ZNF37A: variants seen among roughly 807,000 people sequenced by gnomAD.
ZNF37A encodes zinc finger protein 37A, also known as zinc finger protein 37a (KOX 21).
In ZNF37A, 10 loss-of-function variants were observed where a neutral mutation model predicts 12.3. That is an observed-to-expected ratio of 0.82 (90% CI 0.50 to 1.38). The LOEUF is 1.38. Ranked by LOEUF, ZNF37A falls within the 40% of genes most tolerant of loss-of-function variation. The pLI is 0.00. For synonymous variants in ZNF37A, 207 were observed against 223.0 expected, an observed-to-expected ratio of 0.93 and a Z score of 0.64; for missense variants, 580 against 651.2, an observed-to-expected ratio of 0.89 and a Z score of 1.19.
At chr10:38,126,262 A>G (rs1357333172), downstream of ZNF37A, among the ~76,000 whole-genome samples, 1 of 152,212 alleles carries the variant, frequency 6.6e-6, no homozygotes, top group African/African-American at 2.4e-5. Context: ...CAACTGGACA[A>G]TGAGACCTGT....
At chr10:38,098,335 G>A (rs929637172) in intron 5 of ZNF37A, among the ~76,000 whole-genome samples, 2 of 152,154 alleles carry the variant, frequency 1.3e-5, no homozygotes, top group Admixed American at 6.5e-5. Flanking sequence ...ATATACCTAC[G>A]AGTGAAATTG....
intron 7 of ZNF37A, chr10:38,143,401 A>G (rs772818764): frequency 6.6e-6 from 1 of 152,218 alleles, no homozygotes; most frequent in Non-Finnish European, 1.5e-5. Context: ...CATGCTACAT[A>G]TTGAGATCAT....
At chr10:38,099,244 A>C (rs2067375148) in intron 5 of ZNF37A, among the ~76,000 whole-genome samples, 1 of 152,154 alleles carries the variant, frequency 6.6e-6, no homozygotes, top group Non-Finnish European at 1.5e-5. Flanking sequence ...CATCTTGGAA[A>C]ATTGAAATTC....
intron 7 of ZNF37A, 127 bp downstream of exon 7, chr10:38,115,417 A>C (rs1474513269): frequency 7.2e-7 from 1 of 1,382,166 alleles, no homozygotes; most frequent in East Asian, 2.6e-5. Context: ...TGGAAGTAAC[A>C]TGTTGACGTG....
chr10:38,127,271 A>G (rs1326105142), downstream of ZNF37A, among the ~76,000 whole-genome samples: 1 of 152,208 alleles, frequency 6.6e-6, no homozygotes, highest in Non-Finnish European at 1.5e-5. Context: ...CAAGCCCCAG[A>G]ATCCTTTAAA....
At chr10:38,113,516 G>C (rs961009684) in intron 5 of ZNF37A, among the ~76,000 whole-genome samples, 11 of 152,086 alleles carry the variant, frequency 7.2e-5, no homozygotes, top group Admixed American at 2.0e-4. Context: ...ATGACATGAA[G>C]ACATTCCAAG....
downstream of ZNF37A, among the ~76,000 whole-genome samples, chr10:38,127,264 G>T (rs1223120322): frequency 6.6e-6 from 1 of 152,162 alleles, no homozygotes; most frequent in Non-Finnish European, 1.5e-5. Context: ...AGACACTCAA[G>T]CCCCAGAATC....
At chr10:38,099,863 C>T (rs1474010119) in intron 5 of ZNF37A, among the ~76,000 whole-genome samples, 1 of 152,098 alleles carries the variant, frequency 6.6e-6, no homozygotes, top group African/African-American at 2.4e-5. Flanking sequence ...TTGTATTTCC[C>T]TAATGATTAG....
intron 7 of ZNF37A, among the ~76,000 whole-genome samples, chr10:38,116,644 T>C (rs2069292715): frequency 6.6e-6 from 1 of 152,170 alleles, no homozygotes; most frequent in African/African-American, 2.4e-5. Context: ...AAAAAAAGTG[T>C]TTGTTCTTGG....
chr10:38,107,059 C>T (rs2068164507), intron 5 of ZNF37A, among the ~76,000 whole-genome samples: 1 of 152,118 alleles, frequency 6.6e-6, no homozygotes, highest in African/African-American at 2.4e-5. Flanking sequence ...TCATCAGATT[C>T]AGCAAGGTTG....
intron 5 of ZNF37A, among the ~76,000 whole-genome samples, chr10:38,101,695 T>C (rs1378895198): frequency 2.6e-5 from 4 of 152,146 alleles, no homozygotes; most frequent in African/African-American, 9.6e-5. Flanking sequence ...GTTACTATCC[T>C]CTTCTGTCAT....
intron 5 of ZNF37A, among the ~76,000 whole-genome samples, chr10:38,097,956 T>A (rs1345774841): frequency 6.6e-6 from 1 of 152,190 alleles, no homozygotes; most frequent in Non-Finnish European, 1.5e-5. Flanking sequence ...TGTTGTAACT[T>A]AATAAGCAGT....
chr10:38,105,558 T>C (rs544543184), intron 5 of ZNF37A, among the ~76,000 whole-genome samples: 1 of 152,322 alleles, frequency 6.6e-6, no homozygotes, highest in South Asian at 2.1e-4. Flanking sequence ...TAAACCTGTC[T>C]CTATAGGTTG....
Position 38,118,094 on chromosome 10 carries a change from A to T in ZNF37A, c.943A>T (p.Ile315Phe). ...GKTFYKNSDL[I>F]KHQRIHTGER... ...GACCTTCTATAAGAATTCAGACCTC[A>T]TTAAACATCAAAGAATTCATACAGG... The change falls in exon 8 of 8, where the codon ATT (isoleucine) becomes TTT (phenylalanine). Residue 315 changes from isoleucine (I) to phenylalanine (F), a missense_variant. Transcript: ENST00000685332. The T allele has an allele frequency of 6.2e-7, 1 of 1,613,856 alleles. No homozygotes were observed. Among genetic ancestry groups the T allele is most frequent in the South Asian group, 1.1e-5 (1 of 91,046 alleles).
At chr10:38,111,477 A>G (rs1169845063) in intron 5 of ZNF37A, among the ~76,000 whole-genome samples, 4 of 151,858 alleles carry the variant, frequency 2.6e-5, no homozygotes, top group African/African-American at 9.7e-5. Flanking sequence ...AACTTAAAGT[A>G]TAATAATAAA....
chr10:38,127,569 G>A (rs895370743), downstream of ZNF37A, among the ~76,000 whole-genome samples: 1 of 152,142 alleles, frequency 6.6e-6, no homozygotes, highest in African/African-American at 2.4e-5. Flanking sequence ...GGTATATGAT[G>A]AGTAGTTGCA....
intron 7 of ZNF37A, among the ~76,000 whole-genome samples, chr10:38,130,553 A>G (rs2070009098): frequency 6.6e-6 from 1 of 152,066 alleles, no homozygotes; most frequent in African/African-American, 2.4e-5. Flanking sequence ...CTCTGCCTTC[A>G]GAGTTTAAGT....
At chr10:38,139,704 G>C (rs190649631) in intron 7 of ZNF37A, 1 of 152,068 alleles carries the variant, frequency 6.6e-6, no homozygotes, top group South Asian at 2.1e-4. Flanking sequence ...GTCAGTATGA[G>C]TTTTTAAATG....
At chr10:38,137,930 G>A (rs1016349692) in intron 7 of ZNF37A, 1 of 152,164 alleles carries the variant, frequency 6.6e-6, no homozygotes, top group African/African-American at 2.4e-5. Flanking sequence ...TAATAGTGAA[G>A]CATAATTACT....
Sources: allele counts gnomAD v4.1 joint callset (sites outside exome capture counted in the v4.1 genomes callset), GRCh38; gene constraint gnomAD v4.1.1; transcripts MANE v1.5; gene names NCBI Gene and HGNC (gene_info 2026-07-23, HGNC 2026-07-21).